SH3D19: variants seen among roughly 807,000 people sequenced by gnomAD.
The protein encoded by SH3D19 is SH3 domain-containing protein 19.
SH3D19 carries 58 observed loss-of-function variants against 112.1 expected under a neutral mutation model. That is an observed-to-expected ratio of 0.52 (90% CI 0.42 to 0.64). SH3D19 has a LOEUF of 0.64. Ranked by LOEUF, SH3D19 falls within the 30% of genes least tolerant of loss-of-function variation. SH3D19 has a pLI of 0.00. For missense variants in SH3D19, 1,090 were observed against 1,263.4 expected, an observed-to-expected ratio of 0.86 and a Z score of 2.08; for synonymous variants, 391 against 448.5, an observed-to-expected ratio of 0.87 and a Z score of 1.62.
At chr4:151,263,438 G>A (rs183826821) in intron 1 of SH3D19, among the ~76,000 whole-genome samples, 7 of 152,330 alleles carry the variant, frequency 4.6e-5, no homozygotes, top group East Asian at 1.9e-4. Context: ...GGGCCAGGCC[G>A]GAGGAGGAGC....
intron 2 of SH3D19, among the ~76,000 whole-genome samples, chr4:151,210,414 T>G (rs1445417571): frequency 6.6e-6 from 1 of 151,106 alleles, no homozygotes; most frequent in Non-Finnish European, 1.5e-5. Context: ...TTTTTTTTTT[T>G]TTTTTTTGAG....
chr4:151,122,819 G>A (rs576748879), intron 19 of SH3D19, among the ~76,000 whole-genome samples: 21 of 150,428 alleles, frequency 1.4e-4, no homozygotes, highest in African/African-American at 4.9e-4. Context: ...TCCTAGAGAT[G>A]AGTACTATGT....
chr4:151,277,547 T>C (rs1773759839), intron 1 of SH3D19, among the ~76,000 whole-genome samples: 1 of 152,088 alleles, frequency 6.6e-6, no homozygotes, highest in African/African-American at 2.4e-5. Flanking sequence ...GGCAGGAGTG[T>C]TGCAATCTTT....
chr4:151,225,145 T>G (rs932096571), intron 2 of SH3D19, among the ~76,000 whole-genome samples: 4 of 152,192 alleles, frequency 2.6e-5, no homozygotes, highest in African/African-American at 4.8e-5. Flanking sequence ...TTGATTGAGG[T>G]CAATGCACTC....
At chr4:151,165,850 G>A (rs759759850) in intron 7 of SH3D19, 154 bp from the exon 8 acceptor site, 3 of 608,942 alleles carry the variant, frequency 4.9e-6, no homozygotes, top group Admixed American at 3.0e-5. Flanking sequence ...AAACAAAGTT[G>A]GAGCTCATAA....
intron 1 of SH3D19, chr4:151,282,038 T>C (rs1309381207): frequency 8.2e-6 from 9 of 1,103,032 alleles, no homozygotes; most frequent in Non-Finnish European, 1.1e-5. Context: ...CCATGGTTAA[T>C]TCCCAGTTGG....
intron 10 of SH3D19, among the ~76,000 whole-genome samples, chr4:151,148,992 C>T (rs1179742716): frequency 1.3e-5 from 2 of 151,950 alleles, no homozygotes; most frequent in African/African-American, 2.4e-5. Flanking sequence ...GAGCTGAGAT[C>T]GCGCCACTGT....
At chr4:151,175,808 T>C (rs1759851773) in intron 6 of SH3D19, 134 bp from the exon 7 acceptor site, 3 of 821,454 alleles carry the variant, frequency 3.7e-6, no homozygotes, top group Admixed American at 8.5e-5. Flanking sequence ...TTTCTTTTAA[T>C]TAGTAAAAAG....
At chr4:151,268,311 A>G (rs1772963754) in intron 1 of SH3D19, among the ~76,000 whole-genome samples, 1 of 152,120 alleles carries the variant, frequency 6.6e-6, no homozygotes, top group South Asian at 2.1e-4. Context: ...CTGTGAATGG[A>G]GCTTGCGGGA....
chr4:151,231,203 A>G (rs533530289), intron 1 of SH3D19, among the ~76,000 whole-genome samples: 1 of 152,322 alleles, frequency 6.6e-6, no homozygotes, highest in Non-Finnish European at 1.5e-5. Flanking sequence ...CATACATCTT[A>G]CTTTGGTGAT....
intron 1 of SH3D19, chr4:151,227,991 C>T: frequency 7.1e-6 from 7 of 985,426 alleles, no homozygotes; most frequent in Non-Finnish European, 8.4e-6. Context: ...TATGACCAGT[C>T]TGCACAGCTG....
At chr4:151,244,539 T>G (rs1475125112) in intron 1 of SH3D19, among the ~76,000 whole-genome samples, 1 of 152,204 alleles carries the variant, frequency 6.6e-6, no homozygotes, top group African/African-American at 2.4e-5. Context: ...ATAAAGATTA[T>G]TCGAACTGAG....
At chr4:151,275,842 A>ATTTT (rs1372162983) in intron 1 of SH3D19, among the ~76,000 whole-genome samples, 1 of 90,096 alleles carries the variant, frequency 1.1e-5, no homozygotes. Context: ...TATTATTATT[A>ATTTT]TTATTATTTT....
chr4:151,277,057 G>A (rs1773697448), intron 1 of SH3D19: 2 of 686,458 alleles, frequency 2.9e-6, no homozygotes, highest in African/African-American at 1.8e-5. Flanking sequence ...GAGAGGAGGG[G>A]GTGAAGCAGA....
chr4:151,234,069 A>T (rs988874749), intron 1 of SH3D19, among the ~76,000 whole-genome samples: 4 of 152,088 alleles, frequency 2.6e-5, no homozygotes, highest in African/African-American at 9.7e-5. Flanking sequence ...TTGACTTTTT[A>T]TAAATACAAT....
chr4:151,161,503 A>C (rs1375546823), intron 8 of SH3D19, among the ~76,000 whole-genome samples: 1 of 152,076 alleles, frequency 6.6e-6, no homozygotes, highest in Non-Finnish European at 1.5e-5. Context: ...ATAGAATTCA[A>C]CTTACTTTTT....
At chr4:151,305,621 T>G (rs1258390643) in intron 1 of SH3D19, among the ~76,000 whole-genome samples, 1 of 152,106 alleles carries the variant, frequency 6.6e-6, no homozygotes, top group Non-Finnish European at 1.5e-5. Context: ...TCACTACACC[T>G]CTATTAAAAT....
intron 18 of SH3D19, 75 bp from the exon 19 acceptor site, chr4:151,127,790 A>G (rs188927250): frequency 1.2e-6 from 1 of 800,050 alleles, no homozygotes; most frequent in South Asian, 2.6e-5. Flanking sequence ...TTTTAAAAAA[A>G]AACGCTTATC....
At chr4:151,128,065 T>C (rs1240639317) in intron 18 of SH3D19, 105 bp downstream of exon 18, 7 of 906,122 alleles carry the variant, frequency 7.7e-6, no homozygotes, top group African/African-American at 3.4e-5. Flanking sequence ...CTTTCAAATA[T>C]AGACAGACAA....
Sources: allele counts gnomAD v4.1 joint callset (sites outside exome capture counted in the v4.1 genomes callset), GRCh38; gene constraint gnomAD v4.1.1; transcripts MANE v1.5; gene names NCBI Gene and HGNC (gene_info 2026-07-23, HGNC 2026-07-21).